CADPS2: variants seen among roughly 807,000 people sequenced by gnomAD.
CADPS2 encodes calcium dependent secretion activator 2, also known as calcium-dependent secretion activator 2.
A neutral mutation model predicts 172.5 loss-of-function variants in CADPS2; 93 were observed. That is an observed-to-expected ratio of 0.54 (90% CI 0.46 to 0.64). CADPS2 has a LOEUF of 0.64. Among genes scored for constraint, CADPS2 ranks in the 30% least tolerant of loss-of-function variants. The pLI, the probability that CADPS2 is intolerant of heterozygous loss-of-function variation, is 0.00. For synonymous variants in CADPS2, 546 were observed against 555.2 expected, an observed-to-expected ratio of 0.98 and a Z score of 0.23; for missense variants, 1,420 against 1,565.9, an observed-to-expected ratio of 0.91 and a Z score of 1.57.
intron 1 of CADPS2, among the ~76,000 whole-genome samples, chr7:122,792,465 T>C (rs1250275028): frequency 6.6e-6 from 1 of 152,152 alleles, no homozygotes; most frequent in Non-Finnish European, 1.5e-5. Flanking sequence ...CTTCAGTACC[T>C]TGACCTTGGA....
At chr7:122,528,108 TTAGTGGTGGTGGTGGTGG>T (rs1352521762) in intron 8 of CADPS2, among the ~76,000 whole-genome samples, 1 of 113,012 alleles carries the variant, frequency 8.8e-6, no homozygotes, top group Non-Finnish European at 1.8e-5. Context: ...GATGAAGGCA[TTAGTGGTGGTGGTGGTGG>T]TGGTGGTGGT....
intron 27 of CADPS2, among the ~76,000 whole-genome samples, chr7:122,347,287 T>C (rs1326400142): frequency 6.6e-6 from 1 of 151,024 alleles, no homozygotes; most frequent in East Asian, 1.9e-4. Context: ...GTTCTTGCCA[T>C]TTTTTTTTGG....
intron 3 of CADPS2, among the ~76,000 whole-genome samples, chr7:122,659,718 G>A (rs1360933163): frequency 1.3e-5 from 2 of 151,948 alleles, no homozygotes; most frequent in African/African-American, 2.4e-5. Flanking sequence ...TCGAATTGCA[G>A]AAAAATGAAA....
intron 19 of CADPS2, among the ~76,000 whole-genome samples, chr7:122,410,831 T>C (rs1266535196): frequency 2.0e-5 from 3 of 152,258 alleles, no homozygotes; most frequent in Non-Finnish European, 4.4e-5. Context: ...AATTAAATGG[T>C]GTTTATGTGC....
rs370397056 is a variant in CADPS2, at chr7:122,393,065, TAA to T, written c.3008+129_3008+130del. The T allele has an allele frequency of 8.2e-3, 7,176 of 877,490 alleles. 273 individuals carry two copies. The African/African-American group carries it at 0.11, about 13-fold the overall frequency. The allele number at this position is 877,490 out of a possible 1,614,324, so 54.4% of individuals were successfully genotyped here. ...TAGCTTACTAGCTTAAAAACTCAAA[TAA>T]AAAAAAAAAAACAGTATTCCTCAAC... On this transcript the variant is annotated intron_variant, in intron 22 of 29. Coordinates refer to ENST00000449022, the MANE Select transcript of CADPS2 (RefSeq NM_017954.11).
chr7:122,378,377 G>A (rs1184002607), intron 25 of CADPS2, among the ~76,000 whole-genome samples: 1 of 152,184 alleles, frequency 6.6e-6, no homozygotes, highest in African/African-American at 2.4e-5. Context: ...AAAGGTGAGT[G>A]TCTTGCCTCA....
At chr7:122,874,433 A>G (rs1339191059) in intron 1 of CADPS2, among the ~76,000 whole-genome samples, 1 of 152,228 alleles carries the variant, frequency 6.6e-6, no homozygotes, top group Admixed American at 6.5e-5. Context: ...AGGAAGAATC[A>G]ATACCATGAA....
chr7:122,568,951 T>G (rs899499135), intron 7 of CADPS2, among the ~76,000 whole-genome samples: 2 of 152,142 alleles, frequency 1.3e-5, no homozygotes, highest in African/African-American at 4.8e-5. Flanking sequence ...ACTGGAAGCA[T>G]TCCCTTTGAA....
intron 7 of CADPS2, among the ~76,000 whole-genome samples, chr7:122,575,443 T>A (rs1160121993): frequency 1.4e-5 from 2 of 143,856 alleles, no homozygotes; most frequent in Non-Finnish European, 3.1e-5. Context: ...CTTCTTTTCC[T>A]TTTTTTTTTT....
intron 6 of CADPS2, among the ~76,000 whole-genome samples, chr7:122,607,562 A>G (rs2073743739): frequency 6.6e-6 from 1 of 152,124 alleles, no homozygotes; most frequent in Non-Finnish European, 1.5e-5. Context: ...AATTCTATAA[A>G]CTTTCTCCCA....
At chr7:122,644,377 A>T (rs1189986395) in intron 3 of CADPS2, among the ~76,000 whole-genome samples, 1 of 142,934 alleles carries the variant, frequency 7.0e-6, no homozygotes, top group East Asian at 1.9e-4. Flanking sequence ...TCAATCTCCA[A>T]ATCTTCTTGG....
chr7:122,367,539 GTTTTTTTTTT>G (rs202155427), intron 25 of CADPS2, among the ~76,000 whole-genome samples: 4 of 100,616 alleles, frequency 4.0e-5, no homozygotes, highest in East Asian at 4.3e-4. Flanking sequence ...CCTTCCCCCA[GTTTTTTTTTT>G]TTTTTTTTTT....
chr7:122,325,456 A>G, intron 29 of CADPS2, 21 bp downstream of exon 29: 1 of 1,499,512 alleles, frequency 6.7e-7, no homozygotes, highest in Non-Finnish European at 9.2e-7. Context: ...GGCAATTCAT[A>G]TCTAAACACA....
intron 1 of CADPS2, among the ~76,000 whole-genome samples, chr7:122,836,639 T>C (rs1401733957): frequency 2.6e-5 from 4 of 152,110 alleles, no homozygotes; most frequent in Non-Finnish European, 5.9e-5. Flanking sequence ...TAGTCTCTGA[T>C]AAAACAGACT....
chr7:122,867,445 G>A lies in CADPS2; in HGVS notation c.339+18554C>T, dbSNP rs145456138. On this transcript the variant is annotated intron_variant, in intron 1 of 29. Coordinates refer to ENST00000449022, the MANE Select transcript of CADPS2 (RefSeq NM_017954.11). ...TATACTTGCACACTAACTCCACCCTGAGCACCCAAGAAGGAAATATCAACT... is the reference window on the plus strand; with the variant it reads ...TATACTTGCACACTAACTCCACCCTAAGCACCCAAGAAGGAAATATCAACT... Among the ~76,000 whole-genome samples, 45 of 152,214 alleles carry A rather than the reference G, an allele frequency of 3.0e-4. No individual in the cohort carries two copies. In the East Asian group the frequency reaches 8.2e-3, roughly 28 times the overall value.
intron 1 of CADPS2, among the ~76,000 whole-genome samples, chr7:122,876,497 G>A (rs778952978): frequency 1.9e-4 from 29 of 152,032 alleles, no homozygotes; most frequent in Non-Finnish European, 4.1e-4. Context: ...GAGTAGCTGG[G>A]AACACAGGCA....
rs1008163151 is a variant in CADPS2, at chr7:122,399,660, C to CTTTTTTTTTTTTTTT, written c.2747-6093_2747-6079dup. 4.5e-4 allele frequency among the ~76,000 whole-genome samples: 23 copies of CTTTTTTTTTTTTTTT among 51,226 alleles called. 3 individuals carry two copies. The highest frequency in any genetic ancestry group is 6.8e-4 in the East Asian group (1 of 1,478). 33.6% of individuals were successfully genotyped at this position (51,226 alleles called of 152,430 possible). The stretch of plus-strand genomic sequence containing the variant: ...CGATAACTCTCTCAAGGGTGGGTTT[C>CTTTTTTTTTTTTTTT]TTTTTTTTTTTTTTTTTTTTTTTTT... On this transcript the variant is annotated intron_variant, in intron 20 of 29. Coordinates refer to ENST00000449022, the MANE Select transcript of CADPS2 (RefSeq NM_017954.11).
At chr7:122,331,982 G>C (rs2035026410) in intron 28 of CADPS2, 1 of 152,156 alleles carries the variant, frequency 6.6e-6, no homozygotes, top group Non-Finnish European at 1.5e-5. Context: ...AGAAAACTAG[G>C]AAAAGTGTCA....
intron 7 of CADPS2, among the ~76,000 whole-genome samples, chr7:122,563,321 T>C (rs192460717): frequency 6.6e-6 from 1 of 152,298 alleles, no homozygotes; most frequent in East Asian, 1.9e-4. Flanking sequence ...CTTGAGTAGC[T>C]TTATCATTTT....
Sources: allele counts gnomAD v4.1 joint callset (sites outside exome capture counted in the v4.1 genomes callset), GRCh38; gene constraint gnomAD v4.1.1; transcripts MANE v1.5; gene names NCBI Gene and HGNC (gene_info 2026-07-23, HGNC 2026-07-21).